FAM13B: variants seen among roughly 807,000 people sequenced by gnomAD.
FAM13B encodes the protein protein FAM13B.
In FAM13B, 60 loss-of-function variants were observed where a neutral mutation model predicts 117.3. The observed-to-expected ratio is 0.51, with a 90% CI of 0.42 to 0.63. The LOEUF (loss-of-function observed/expected upper bound fraction) is 0.63. Ranked by LOEUF, FAM13B falls within the 30% of genes least tolerant of loss-of-function variation. FAM13B has a pLI of 0.00. For missense variants in FAM13B, 972 were observed against 1,091.9 expected (o/e 0.89, Z 1.55); for synonymous variants, 332 against 356.1 (o/e 0.93, Z 0.76).
At chr5:138,045,499 C>CTT (rs1309907808) in intron 1 of FAM13B, among the ~76,000 whole-genome samples, 1 of 151,904 alleles carries the variant, frequency 6.6e-6, no homozygotes, top group African/African-American at 2.4e-5. Context: ...TACCATTGCA[C>CTT]TTCAGCCTGG....
intron 1 of FAM13B, among the ~76,000 whole-genome samples, chr5:138,043,748 C>CT (rs1047308486): frequency 3.3e-5 from 5 of 150,112 alleles, no homozygotes; most frequent in Admixed American, 2.0e-4. Context: ...TCTTTTTTTT[C>CT]TTTTTTTAAC....
intron 1 of FAM13B, among the ~76,000 whole-genome samples, chr5:138,028,807 T>C (rs1310093471): frequency 1.3e-5 from 2 of 152,108 alleles, no homozygotes; most frequent in African/African-American, 4.8e-5. Flanking sequence ...TCACCTGAGG[T>C]CAGGAGTTTG....
chr5:138,023,508 C>G (rs1012178346), intron 1 of FAM13B, among the ~76,000 whole-genome samples: 1 of 152,272 alleles, frequency 6.6e-6, no homozygotes, highest in Non-Finnish European at 1.5e-5. Context: ...CTCTTAATCA[C>G]TATACTATTT....
intron 7 of FAM13B, among the ~76,000 whole-genome samples, chr5:137,998,521 CATCT>C (rs1432784950): frequency 2.0e-5 from 3 of 152,158 alleles, no homozygotes; most frequent in African/African-American, 7.2e-5. Context: ...GAAAGACTAA[CATCT>C]AAACCATGGT....
At chr5:138,009,095 G>A (rs1029013708) in intron 6 of FAM13B, among the ~76,000 whole-genome samples, 13 of 152,138 alleles carry the variant, frequency 8.5e-5, no homozygotes, top group Non-Finnish European at 1.6e-4. Context: ...AGCCAAGATC[G>A]CACCACTGCA....
At chr5:138,052,172 C>T (rs4391153), upstream of FAM13B, among the ~76,000 whole-genome samples, 409 of 152,046 alleles carry the variant, frequency 2.7e-3, 3 homozygotes, top group South Asian at 0.027. Context: ...CTCCCAACAC[C>T]CTCCTGCTGT....
chr5:138,023,582 C>T (rs1339844519), intron 1 of FAM13B, among the ~76,000 whole-genome samples: 1 of 152,030 alleles, frequency 6.6e-6, no homozygotes, highest in Non-Finnish European at 1.5e-5. Context: ...TCAAACTGGC[C>T]ATAGTCTTTT....
intron 7 of FAM13B, among the ~76,000 whole-genome samples, chr5:137,989,414 A>C (rs1388006971): frequency 6.6e-6 from 1 of 152,180 alleles, no homozygotes; most frequent in Non-Finnish European, 1.5e-5. Flanking sequence ...CCTACATATA[A>C]AAATATTTTT....
chr5:137,940,355 G>A lies in FAM13B; in HGVS notation c.2691-7C>T, dbSNP rs766292529. ...ATCCTCTTTCTGGGCATTCCTAGGG[G>A]AGAAAATAAAATTTGTAATGTTCTA... On this transcript the variant is annotated splice_polypyrimidine_tract_variant and splice_region_variant and intron_variant, in intron 23 of 23. Transcript: ENST00000689681. 1.9e-6 allele frequency: 3 copies of A among 1,581,678 alleles called. No homozygotes were observed. The highest frequency in any genetic ancestry group is 1.9e-5 in the Admixed American group (1 of 53,314).
intron 1 of FAM13B, among the ~76,000 whole-genome samples, chr5:138,050,438 A>AAAAC (rs33916276): frequency 9.3e-5 from 14 of 150,752 alleles, no homozygotes; most frequent in African/African-American, 1.5e-4. Context: ...ACTCCGTCTC[A>AAAAC]AAACAAACAA....
chr5:138,014,824 A>G (rs1005312679), intron 4 of FAM13B, among the ~76,000 whole-genome samples: 2 of 152,242 alleles, frequency 1.3e-5, no homozygotes, highest in Non-Finnish European at 2.9e-5. Context: ...AAGTCTTCAA[A>G]TAAGGCAGAG....
At chr5:138,001,285 C>T (rs1781202846) in intron 7 of FAM13B, among the ~76,000 whole-genome samples, 1 of 152,154 alleles carries the variant, frequency 6.6e-6, no homozygotes, top group African/African-American at 2.4e-5. Context: ...AAAAAGATGA[C>T]ATGTTAATTA....
chr5:137,984,804 T>C (rs541379033), intron 10 of FAM13B, among the ~76,000 whole-genome samples: 1 of 152,058 alleles, frequency 6.6e-6, no homozygotes, highest in Non-Finnish European at 1.5e-5. Flanking sequence ...AGTCTCACTC[T>C]GTCGCCCAGG....
Position 138,048,164 on chromosome 5 carries a change from A to G in FAM13B, c.-203+3714T>C, listed in dbSNP as rs549491445. The stretch of plus-strand genomic sequence containing the variant: ...AATAAAGCAGAAAGTACGATTTCCC[A>G]TATACCCACTGCCCCACACATACAA... On this transcript the variant is annotated intron_variant, in intron 1 of 3. Coordinates refer to the FAM13B transcript ENST00000502471. 1.8e-4 allele frequency among the ~76,000 whole-genome samples: 28 copies of G among 152,342 alleles called. No homozygotes were observed. The East Asian group carries it at 5.2e-3, about 28-fold the overall frequency.
At chr5:138,027,612 A>G (rs1788777041) in intron 1 of FAM13B, among the ~76,000 whole-genome samples, 1 of 152,240 alleles carries the variant, frequency 6.6e-6, no homozygotes, top group Non-Finnish European at 1.5e-5. Flanking sequence ...TGACCAAAGC[A>G]TAATTTGTCT....
rs1335251670 is a variant in FAM13B at position 137,986,433 on chromosome 5, C to CCG, written c.1046+1027_1046+1028insCG. Among the ~76,000 whole-genome samples, 44 of 54,528 alleles carry CCG rather than the reference C, an allele frequency of 8.1e-4. 1 individual carries two copies. The allele number at this position is 54,528 out of a possible 152,430, so 35.8% of individuals were successfully genotyped here. ...GGTACATTTTTCTCATCTTCCCCCC[C>CCG]CCAAAAAAAATTGATATATGAAAAA... On this transcript the variant is annotated intron_variant, in intron 9 of 23. Transcript: ENST00000689681.
chr5:138,011,840 T>C lies in FAM13B; in HGVS notation c.476A>G (p.Asn159Ser), dbSNP rs772213036. The C allele has an allele frequency of 3.9e-5, 63 of 1,610,434 alleles. No homozygotes were observed. In the East Asian group the frequency reaches 1.1e-3, roughly 29 times the overall value. Residue 159 changes from asparagine to serine, a missense_variant, in exon 5 of 24, where the codon AAT (asparagine) becomes AGT (serine). Physicochemically the swap from Asn to Ser is conservative, Grantham distance 46. Coordinates refer to ENST00000689681, the MANE Select transcript of FAM13B (RefSeq NM_001385994.1). ...LLKFLCRFLA[N>S]VASHHEEIWS... ...AATTTCTTCATGATGTGATGCTACA[T>C]TGGCTAAAAATCTACACAGAAACTT...
At chr5:138,013,701 T>C (rs1784598614) in intron 4 of FAM13B, among the ~76,000 whole-genome samples, 1 of 152,160 alleles carries the variant, frequency 6.6e-6, no homozygotes, top group Non-Finnish European at 1.5e-5. Context: ...GACCTATAAC[T>C]GATGAGAAAT....
chr5:137,962,106 T>A (rs1019074599), intron 11 of FAM13B, among the ~76,000 whole-genome samples: 1 of 152,222 alleles, frequency 6.6e-6, no homozygotes, highest in African/African-American at 2.4e-5. Flanking sequence ...ACAGGTATAC[T>A]CAGAATATCA....
Sources: allele counts gnomAD v4.1 joint callset (sites outside exome capture counted in the v4.1 genomes callset), GRCh38; gene constraint gnomAD v4.1.1; transcripts MANE v1.5; gene names NCBI Gene and HGNC (gene_info 2026-07-23, HGNC 2026-07-21).